The following MAP4K4 variants were observed in gnomAD, a reference collection of about 807,000 sequenced individuals.
MAP4K4 encodes the protein mitogen-activated protein kinase kinase kinase kinase 4, also known as HPK/GCK-like kinase HGK.
In MAP4K4, 38 loss-of-function variants were observed where a neutral mutation model predicts 189.6. That is an observed-to-expected ratio of 0.20 (90% CI 0.15 to 0.26). MAP4K4 has a LOEUF of 0.26. Among genes scored for constraint, MAP4K4 ranks in the 10% least tolerant of loss-of-function variants. MAP4K4 has a pLI of 1.00. For synonymous variants in MAP4K4, 610 were observed against 624.3 expected (o/e 0.98, Z 0.34); for missense variants, 1,054 against 1,726.9 (o/e 0.61, Z 6.91).
At chr2:101,739,133 G>A (rs2061608859) in intron 2 of MAP4K4, among the ~76,000 whole-genome samples, 1 of 152,114 alleles carries the variant, frequency 6.6e-6, no homozygotes, top group Non-Finnish European at 1.5e-5. Context: ...GATAGGAGGC[G>A]AACCTGCTTA....
At chr2:101,831,215 T>G (rs1333725857) in intron 6 of MAP4K4, among the ~76,000 whole-genome samples, 1 of 152,106 alleles carries the variant, frequency 6.6e-6, no homozygotes, top group Non-Finnish European at 1.5e-5. Flanking sequence ...TGCTTTAGGG[T>G]GTGTTGTTTG....
intron 3 of MAP4K4, among the ~76,000 whole-genome samples, chr2:101,799,263 T>C (rs2094129294): frequency 2.6e-5 from 4 of 152,244 alleles, no homozygotes; most frequent in Non-Finnish European, 5.9e-5. Flanking sequence ...TTTGTCAGAA[T>C]TAAAATTAAT....
intron 3 of MAP4K4, chr2:101,797,163 C>T: frequency 8.5e-7 from 1 of 1,177,916 alleles, no homozygotes; most frequent in Non-Finnish European, 1.1e-6. Context: ...ATGTGTTGTT[C>T]TTGTCTAGAC....
chr2:101,805,897 T>C (rs1014817360), intron 3 of MAP4K4, among the ~76,000 whole-genome samples: 1 of 152,202 alleles, frequency 6.6e-6, no homozygotes. Context: ...CTTCTCACCC[T>C]GTTTCCAAGG....
chr2:101,879,219 AT>A (rs1435048029), intron 27 of MAP4K4, among the ~76,000 whole-genome samples: 14 of 139,526 alleles, frequency 1.0e-4, no homozygotes, highest in East Asian at 8.4e-4. Flanking sequence ...AAAAAAAAAA[AT>A]TAATAATTAT....
At chr2:101,815,742 T>C (rs117402564) in intron 3 of MAP4K4, among the ~76,000 whole-genome samples, 1 of 152,358 alleles carries the variant, frequency 6.6e-6, no homozygotes, top group East Asian at 1.9e-4. Flanking sequence ...TCTAGGCTTA[T>C]TTGGCCCCAC....
exon 33 of MAP4K4, chr2:101,893,059 C>G (rs144265864): frequency 2.2e-6 from 1 of 456,324 alleles, no homozygotes; most frequent in Admixed American, 2.3e-5. Flanking sequence ...TCTGCTCCCA[C>G]CCACCTAAAC....
At chr2:101,725,226 G>C (rs955869242) in intron 2 of MAP4K4, among the ~76,000 whole-genome samples, 1 of 152,126 alleles carries the variant, frequency 6.6e-6, no homozygotes, top group Non-Finnish European at 1.5e-5. Flanking sequence ...ATTTGCTTCA[G>C]AATAGCTCAG....
intron 32 of MAP4K4, 110 bp downstream of exon 32, chr2:101,889,045 G>A (rs1347319054): frequency 2.2e-5 from 24 of 1,099,068 alleles, no homozygotes; most frequent in Middle Eastern, 2.2e-4. Flanking sequence ...AAATAATCAA[G>A]GAACTTTTTA....
intron 2 of MAP4K4, among the ~76,000 whole-genome samples, chr2:101,761,531 T>C (rs2076388452): frequency 1.3e-5 from 2 of 150,726 alleles, no homozygotes; most frequent in Non-Finnish European, 2.9e-5. Context: ...AATTCAGTTA[T>C]GGGGAGTATG....
chr2:101,782,236 T>TG (rs889790460), intron 2 of MAP4K4, among the ~76,000 whole-genome samples: 1 of 152,244 alleles, frequency 6.6e-6, no homozygotes, highest in Non-Finnish European at 1.5e-5. Context: ...ACTCATTTAT[T>TG]GGGGAGTGGG....
intron 2 of MAP4K4, among the ~76,000 whole-genome samples, chr2:101,707,331 C>G (rs887259771): frequency 6.6e-6 from 1 of 151,690 alleles, no homozygotes; most frequent in African/African-American, 2.4e-5. Context: ...GCCTCAGCCT[C>G]CCAAGTAGCT....
chr2:101,836,409 AC>A (rs1559131330), intron 9 of MAP4K4, among the ~76,000 whole-genome samples: 1 of 152,040 alleles, frequency 6.6e-6, no homozygotes, highest in African/African-American at 2.4e-5. Context: ...ACATGGAGAA[AC>A]CCCGTCTCTA....
chr2:101,872,858 CTTATAT>C (rs1206230336), intron 24 of MAP4K4, among the ~76,000 whole-genome samples: 1 of 152,186 alleles, frequency 6.6e-6, no homozygotes, highest in African/African-American at 2.4e-5. Context: ...CACATTCTTC[CTTATAT>C]TTATATTTTA....
chr2:101,846,962 G>A (rs2097128838), intron 12 of MAP4K4, among the ~76,000 whole-genome samples: 1 of 152,206 alleles, frequency 6.6e-6, no homozygotes, highest in South Asian at 2.1e-4. Flanking sequence ...AACTGCAGAT[G>A]CCCAAGCCCC....
chr2:101,785,611 C>A (rs2090247497), intron 2 of MAP4K4, among the ~76,000 whole-genome samples: 1 of 151,940 alleles, frequency 6.6e-6, no homozygotes, highest in African/African-American at 2.4e-5. Context: ...AGTTACCTAG[C>A]CTTTAGTGAT....
chr2:101,785,698 C>CTTTTCCTTTTT (rs1558913722), intron 2 of MAP4K4, among the ~76,000 whole-genome samples: 18 of 3,968 alleles, frequency 4.5e-3, no homozygotes, highest in South Asian at 0.025. Flanking sequence ...CTCTCTCTCT[C>CTTTTCCTTTTT]TCTCTCTCTC....
intron 2 of MAP4K4, among the ~76,000 whole-genome samples, chr2:101,718,230 T>G (rs1244811944): frequency 6.9e-6 from 1 of 145,536 alleles, no homozygotes; most frequent in African/African-American, 2.6e-5. Context: ...CACTCCAGCC[T>G]GGGCAACATG....
intron 2 of MAP4K4, among the ~76,000 whole-genome samples, chr2:101,712,539 A>G (rs1055293268): frequency 6.6e-6 from 1 of 151,650 alleles, no homozygotes; most frequent in South Asian, 2.1e-4. Context: ...TCCCTCTGTC[A>G]CCCAGGCTGG....
Sources: gnomAD v4.1 joint callset for allele counts (sites outside exome capture counted in the v4.1 genomes callset) on GRCh38, gnomAD v4.1.1 for gene constraint, MANE v1.5 for transcripts, NCBI Gene and HGNC (gene_info 2026-07-23, HGNC 2026-07-21) for gene names.